SLCO3A1: variants seen among roughly 807,000 people sequenced by gnomAD.
The protein encoded by SLCO3A1 is PGE1 transporter.
In SLCO3A1, 27 loss-of-function variants were observed where a neutral mutation model predicts 63.1. That is an observed-to-expected ratio of 0.43 (90% CI 0.32 to 0.59). The LOEUF (loss-of-function observed/expected upper bound fraction) is 0.59, where lower values mean the gene tolerates loss of function less well. Ranked by LOEUF, SLCO3A1 falls within the 20% of genes least tolerant of loss-of-function variation. The pLI, the probability that SLCO3A1 is intolerant of heterozygous loss-of-function variation, is 0.09. For synonymous variants in SLCO3A1, 473 were observed against 409.9 expected (o/e 1.15, Z -1.86); for missense variants, 773 against 945.8 (o/e 0.82, Z 2.40).
intron 1 of SLCO3A1, among the ~76,000 whole-genome samples, chr15:91,881,636 T>C (rs910239733): frequency 2.0e-5 from 3 of 152,168 alleles, no homozygotes; most frequent in Admixed American, 2.0e-4. Context: ...AGAGAAACCG[T>C]TGGATCAGAA....
At chr15:91,911,263 T>G (rs868555018) in intron 1 of SLCO3A1, among the ~76,000 whole-genome samples, 1 of 152,198 alleles carries the variant, frequency 6.6e-6, no homozygotes, top group Non-Finnish European at 1.5e-5. Flanking sequence ...AATTTGTAGA[T>G]AACTTAAACT....
chr15:91,990,791 C>T (rs1000850092), intron 2 of SLCO3A1, among the ~76,000 whole-genome samples: 11 of 152,204 alleles, frequency 7.2e-5, no homozygotes, highest in Non-Finnish European at 1.5e-4. Context: ...TGCCATCCCC[C>T]ATTCTAGAAT....
chr15:91,932,113 A>C (rs6496874), intron 2 of SLCO3A1, among the ~76,000 whole-genome samples: 104,076 of 151,852 alleles, frequency 0.69, 35,911 homozygotes, highest in East Asian at 0.91. Flanking sequence ...CTTCATCTTC[A>C]TAATGGCTGT....
chr15:91,947,847 C>T (rs1156454967), intron 2 of SLCO3A1, among the ~76,000 whole-genome samples: 2 of 152,114 alleles, frequency 1.3e-5, no homozygotes, highest in Non-Finnish European at 2.9e-5. Flanking sequence ...GACCCTGGGT[C>T]GGTCTGTACA....
chr15:91,924,875 G>T (rs1898960715), intron 2 of SLCO3A1, among the ~76,000 whole-genome samples: 1 of 152,236 alleles, frequency 6.6e-6, no homozygotes, highest in Non-Finnish European at 1.5e-5. Flanking sequence ...GCTGGTTGGG[G>T]CCTACAGATA....
At chr15:92,063,888 G>A (rs1037056544) in intron 2 of SLCO3A1, among the ~76,000 whole-genome samples, 1 of 152,088 alleles carries the variant, frequency 6.6e-6, no homozygotes, top group Non-Finnish European at 1.5e-5. Context: ...AGCCAGGCAG[G>A]CATTGTTTTA....
intron 2 of SLCO3A1, among the ~76,000 whole-genome samples, chr15:91,963,417 G>GA (rs1307980791): frequency 8.3e-6 from 1 of 120,682 alleles, no homozygotes; most frequent in Non-Finnish European, 1.7e-5. Flanking sequence ...GTGGGGGGGG[G>GA]GGGCGGCAGC....
Position 92,082,856 on chromosome 15 carries a change from G to A in SLCO3A1, c.647-12025G>A, listed in dbSNP as rs939178612. 5.9e-5 allele frequency among the ~76,000 whole-genome samples: 9 copies of A among 152,124 alleles called. 1 individual carries two copies. The highest frequency in any genetic ancestry group is 1.4e-4 in the African/African-American group (6 of 41,424). On this transcript the variant is annotated intron_variant, in intron 2 of 9. Coordinates refer to ENST00000318445, the MANE Select transcript of SLCO3A1 (RefSeq NM_013272.4). ...GCTCTTTCTCTAGGAACTAGGTCCC[G>A]GAGTCCTGAGTTAAAATCCACTTCC...
chr15:91,995,867 T>G (rs891362007), intron 2 of SLCO3A1, among the ~76,000 whole-genome samples: 1 of 152,006 alleles, frequency 6.6e-6, no homozygotes, highest in African/African-American at 2.4e-5. Flanking sequence ...AATTTAGACA[T>G]AGAAGGTAAC....
chr15:92,149,602 T>G (rs147205173), intron 8 of SLCO3A1: 1 of 152,222 alleles, frequency 6.6e-6, no homozygotes, highest in Admixed American at 6.5e-5. Context: ...CTAGTACCTT[T>G]AGAACTAAGA....
At position 91,965,721 on chromosome 15, in the gene SLCO3A1, GGTGTGT is replaced by G. The variant is rs35543509; in HGVS notation, c.646+49291_646+49296del. On this transcript the variant is annotated intron_variant, in intron 2 of 9. Transcript: ENST00000318445. The stretch of plus-strand genomic sequence containing the variant: ...CACTTGAATTGTGGGCAGCCAGCAG[GGTGTGT>G]GTGTGTGTGTGTGTGTGTGTGTGTG... 3.4e-3 allele frequency among the ~76,000 whole-genome samples: 508 copies of G among 147,622 alleles called. 1 individual carries two copies. Among genetic ancestry groups the G allele is most frequent in the South Asian group, 0.015 (69 of 4,618 alleles).
intron 10 of SLCO3A1, chr15:92,171,732 G>A (rs1481207382): frequency 1.5e-6 from 2 of 1,347,460 alleles, no homozygotes; most frequent in Non-Finnish European, 1.0e-6. Flanking sequence ...AAGCAGAAAA[G>A]ACCGATCTCT....
chr15:92,149,756 T>A (rs889173290), intron 8 of SLCO3A1: 2 of 152,180 alleles, frequency 1.3e-5, no homozygotes, highest in African/African-American at 4.8e-5. Context: ...AGCACCTTGC[T>A]CACTTTGTTC....
intron 1 of SLCO3A1, among the ~76,000 whole-genome samples, chr15:91,857,028 T>A (rs962970942): frequency 1.7e-5 from 2 of 119,238 alleles, no homozygotes; most frequent in African/African-American, 7.9e-5. Context: ...GAAGGAGGAC[T>A]CGTGTGTGTG....
intron 2 of SLCO3A1, among the ~76,000 whole-genome samples, chr15:91,983,664 C>G (rs186725434): frequency 1.6e-3 from 242 of 152,164 alleles, no homozygotes; most frequent in African/African-American, 5.7e-3. Flanking sequence ...GGGGAGGCCA[C>G]GGGGACTGTA....
In SLCO3A1 at chr15:92,162,785, G is replaced by A. The variant is rs1407407315; in HGVS notation, c.1783G>A (p.Ala595Thr). ...GFIPPPLIFG[A>T]GIDSTCLFWS... ...CATCCCTCCACCCCTCATCTTCGGG[G>A]CTGGCATCGACTCCACCTGCCTGTT... Residue 595 changes from alanine (A) to threonine (T), a missense_variant, in exon 10 of 10, where the codon GCT (alanine) becomes ACT (threonine). Physicochemically the swap from Ala to Thr is moderately conservative, Grantham distance 58. Transcript: ENST00000318445. 3 of 1,613,670 alleles carry A rather than the reference G, an allele frequency of 1.9e-6. No individual in the cohort carries two copies. Among genetic ancestry groups the A allele is most frequent in the Non-Finnish European group, 2.5e-6 (3 of 1,179,898 alleles).
intron 2 of SLCO3A1, among the ~76,000 whole-genome samples, chr15:91,962,585 G>GA (rs1215088538): frequency 2.6e-5 from 4 of 151,992 alleles, no homozygotes; most frequent in Admixed American, 6.6e-5. Flanking sequence ...ACTTGGTGCT[G>GA]AGGAGGGAAG....
intron 2 of SLCO3A1, among the ~76,000 whole-genome samples, chr15:92,075,239 T>G (rs890271192): frequency 2.0e-5 from 3 of 152,228 alleles, no homozygotes; most frequent in African/African-American, 7.2e-5. Flanking sequence ...GTTCCAGCCT[T>G]GCTGCCTGCT....
chr15:92,153,660 G>GGAATATGTA (rs1383747815), intron 9 of SLCO3A1: 1 of 152,292 alleles, frequency 6.6e-6, no homozygotes, highest in African/African-American at 2.4e-5. Flanking sequence ...AGGTGCAACA[G>GGAATATGTA]GAATATGTAG....
Sources: allele counts gnomAD v4.1 joint callset (sites outside exome capture counted in the v4.1 genomes callset), GRCh38; gene constraint gnomAD v4.1.1; transcripts MANE v1.5; gene names NCBI Gene and HGNC (gene_info 2026-07-23, HGNC 2026-07-21).